The following CCDC93 variants were observed in gnomAD, a reference collection of about 807,000 sequenced individuals.
CCDC93 encodes the protein coiled-coil domain-containing protein 93.
In CCDC93, 61 loss-of-function variants were observed where a neutral mutation model predicts 108.2. The observed-to-expected ratio is 0.56, with a 90% CI of 0.46 to 0.70. The LOEUF is 0.70. Among genes scored for constraint, CCDC93 ranks in the 30% least tolerant of loss-of-function variants. The pLI is 0.00. For missense variants in CCDC93, 685 were observed against 764.2 expected, an observed-to-expected ratio of 0.90 and a Z score of 1.22; for synonymous variants, 276 against 260.4, an observed-to-expected ratio of 1.06 and a Z score of -0.58.
chr2:117,986,998 G>A (rs1680341140), intron 6 of CCDC93, among the ~76,000 whole-genome samples: 1 of 142,508 alleles, frequency 7.0e-6, no homozygotes, highest in South Asian at 2.3e-4. Flanking sequence ...AATTGAAAGA[G>A]TCAGTAACCC....
At chr2:117,981,889 C>T (rs913417905) in intron 7 of CCDC93, among the ~76,000 whole-genome samples, 3 of 152,118 alleles carry the variant, frequency 2.0e-5, no homozygotes, top group African/African-American at 7.2e-5. Flanking sequence ...ACAATTACCT[C>T]AGGCCAAACT....
intron 11 of CCDC93, among the ~76,000 whole-genome samples, chr2:117,973,590 A>G (rs143828985): frequency 6.6e-6 from 1 of 152,172 alleles, no homozygotes; most frequent in South Asian, 2.1e-4. Flanking sequence ...CCCAAGTTAT[A>G]AGAGGCCTGA....
At chr2:117,963,952 T>C (rs1387147115) in intron 11 of CCDC93, among the ~76,000 whole-genome samples, 1 of 152,234 alleles carries the variant, frequency 6.6e-6, no homozygotes. Flanking sequence ...TGAGATCATT[T>C]TACCAGGCTG....
intron 19 of CCDC93, among the ~76,000 whole-genome samples, 170 bp from the exon 20 acceptor site, chr2:117,939,281 C>T (rs1678622203): frequency 6.6e-6 from 1 of 152,186 alleles, no homozygotes; most frequent in Non-Finnish European, 1.5e-5. Flanking sequence ...TTTAACAAGT[C>T]TCAGGACCAA....
chr2:117,934,591 C>A (rs529808542), intron 22 of CCDC93: 38 of 154,026 alleles, frequency 2.5e-4, no homozygotes, highest in African/African-American at 7.7e-4. Flanking sequence ...ATATGGAGCA[C>A]TTCTGCCCTT....
intron 11 of CCDC93, among the ~76,000 whole-genome samples, chr2:117,965,391 G>A (rs6542417): frequency 0.97 from 147,571 of 152,226 alleles, 71,719 homozygotes; most frequent in Middle Eastern, 1. Flanking sequence ...CAAAGCAGTC[G>A]GGGTCCCCGG....
chr2:118,012,415 GCAGT>G (rs1380937318), intron 1 of CCDC93: 1 of 152,164 alleles, frequency 6.6e-6, no homozygotes, highest in Admixed American at 6.5e-5. Context: ...TGGCCTCTTA[GCAGT>G]CAGTGAAAGT....
chr2:117,951,316 C>T, intron 13 of CCDC93: 3 of 985,366 alleles, frequency 3.0e-6, no homozygotes, highest in Non-Finnish European at 3.6e-6. Flanking sequence ...TGTCCAAAGG[C>T]AAGGCAGGCG....
intron 20 of CCDC93, among the ~76,000 whole-genome samples, chr2:117,937,462 A>G (rs1678560310): frequency 6.6e-6 from 1 of 152,180 alleles, no homozygotes. Flanking sequence ...TGTCCTTAGT[A>G]CTCCACAGGA....
At chr2:117,966,144 G>A (rs942348775) in intron 11 of CCDC93, among the ~76,000 whole-genome samples, 2 of 152,216 alleles carry the variant, frequency 1.3e-5, no homozygotes, top group Admixed American at 6.5e-5. Flanking sequence ...GCCACCATGT[G>A]TGCCCCATAT....
intron 13 of CCDC93, chr2:117,950,136 AT>A (rs2104742919): frequency 2.0e-6 from 2 of 985,452 alleles, no homozygotes; most frequent in African/African-American, 3.5e-5. Context: ...CCCTTCCAGA[AT>A]AAACACAGGA....
intron 11 of CCDC93, among the ~76,000 whole-genome samples, chr2:117,972,682 C>T (rs1243170315): frequency 6.6e-6 from 1 of 152,002 alleles, no homozygotes; most frequent in Non-Finnish European, 1.5e-5. Context: ...AACTCACACT[C>T]TTGCCATTCA....
intron 11 of CCDC93, among the ~76,000 whole-genome samples, chr2:117,968,447 T>C (rs764466206): frequency 3.3e-5 from 5 of 152,144 alleles, no homozygotes; most frequent in Non-Finnish European, 5.9e-5. Context: ...GTGTTACCCT[T>C]TGGAAACAAT....
rs1680644000 is a variant in CCDC93 at position 117,996,296 on chromosome 2, A to T, written c.430T>A (p.Ser144Thr). ...MGDYIRSYSV[S>T]QFQKTYSLPE... ...AGACTGTAAGTCTTCTGGAACTGGG[A>T]TACAGAGTAGGAGCGGATATAGTCA... The change falls in exon 5 of 24, where the codon TCC becomes ACC. Residue 144 changes from serine to threonine, a missense_variant. By Grantham distance (58) the Ser-to-Thr change is moderately conservative. Coordinates refer to ENST00000376300, the MANE Select transcript of CCDC93 (RefSeq NM_019044.5). The T allele has an allele frequency of 1.2e-6, 2 of 1,613,308 alleles. No individual in the cohort carries two copies. Among genetic ancestry groups the T allele is most frequent in the Non-Finnish European group, 8.5e-7 (1 of 1,179,358 alleles).
At chr2:117,959,303 G>A (rs551252832) in intron 11 of CCDC93, among the ~76,000 whole-genome samples, 1 of 152,300 alleles carries the variant, frequency 6.6e-6, no homozygotes, top group East Asian at 1.9e-4. Context: ...TTTGCAATAA[G>A]TGCAATTATA....
intron 13 of CCDC93, chr2:117,951,719 C>T (rs901322567): frequency 2.0e-6 from 2 of 997,436 alleles, no homozygotes; most frequent in Non-Finnish European, 1.2e-6. Flanking sequence ...AACCAAGGAA[C>T]AGAAATATCT....
chr2:117,949,646 C>G (rs950196334), intron 13 of CCDC93: 2 of 546,814 alleles, frequency 3.7e-6, no homozygotes, highest in Non-Finnish European at 4.7e-6. Flanking sequence ...TTCTCCAAAC[C>G]TACACCCTTT....
chr2:117,955,018 C>T (rs1051902235), intron 12 of CCDC93, among the ~76,000 whole-genome samples: 4 of 152,114 alleles, frequency 2.6e-5, no homozygotes, highest in Non-Finnish European at 5.9e-5. Context: ...AACCTCTTTC[C>T]TTTATAAATT....
At chr2:117,984,452 C>G (rs142945316) in intron 7 of CCDC93, among the ~76,000 whole-genome samples, 238 of 152,316 alleles carry the variant, frequency 1.6e-3, no homozygotes, top group African/African-American at 5.5e-3. Flanking sequence ...CAGGGAGGTT[C>G]TGAACTTTCC....
Sources: gnomAD v4.1 joint callset for allele counts (sites outside exome capture counted in the v4.1 genomes callset) on GRCh38, gnomAD v4.1.1 for gene constraint, MANE v1.5 for transcripts, NCBI Gene and HGNC (gene_info 2026-07-23, HGNC 2026-07-21) for gene names.